The following CAMTA1 variants were observed in gnomAD, a reference collection of about 807,000 sequenced individuals.
CAMTA1 encodes calmodulin-binding transcription activator 1.
CAMTA1 carries 27 observed loss-of-function variants against 170.9 expected under a neutral mutation model. That is an observed-to-expected ratio of 0.16 (90% CI 0.12 to 0.22). The LOEUF (loss-of-function observed/expected upper bound fraction) is 0.22, where lower values mean the gene tolerates loss of function less well. CAMTA1 is among the 10% of genes least tolerant of loss of function. The probability of loss-of-function intolerance (pLI) is 1.00; values close to 1 mark genes in which losing one functional copy is unlikely to be tolerated. For synonymous variants in CAMTA1, 833 were observed against 891.5 expected, an observed-to-expected ratio of 0.93 and a Z score of 1.17; for missense variants, 1,619 against 2,217.2, an observed-to-expected ratio of 0.73 and a Z score of 5.42.
rs1478235304 is a variant in CAMTA1 at position 7,730,928 on chromosome 1, C to CTCTATA, written c.2915-1519_2915-1518insCTATAT. On this transcript the variant is annotated intron_variant, in intron 11 of 22. Coordinates refer to ENST00000303635, the MANE Select transcript of CAMTA1 (RefSeq NM_015215.4). Reference sequence around the variant, plus strand: ...TCTCAATCTCTCTCTCTCTCTCTCTCTATATATATATATATATATTTAACA... The same window carrying CTCTATA: ...TCTCAATCTCTCTCTCTCTCTCTCTCTCTATATATATATATATATATATATTTAACA... 7.0e-3 allele frequency among the ~76,000 whole-genome samples: 795 copies of CTCTATA among 114,198 alleles called. 5 individuals are homozygous for CTCTATA. Among genetic ancestry groups the CTCTATA allele is most frequent in the African/African-American group, 0.022 (710 of 31,718 alleles). The allele number at this position is 114,198 out of a possible 152,430, so 74.9% of individuals were successfully genotyped here.
chr1:7,745,682 A>G (rs535650351), intron 17 of CAMTA1, among the ~76,000 whole-genome samples, 163 bp from the exon 18 acceptor site: 4 of 152,338 alleles, frequency 2.6e-5, no homozygotes, highest in African/African-American at 9.6e-5. Flanking sequence ...ACTCAATCGA[A>G]GGACACTGGG....
chr1:7,416,446 A>G (rs2091179714), intron 5 of CAMTA1, among the ~76,000 whole-genome samples: 1 of 152,098 alleles, frequency 6.6e-6, no homozygotes, highest in East Asian at 1.9e-4. Context: ...TTTCTTGGAG[A>G]CTTTTTTCGT....
At chr1:7,593,294 G>T (rs566937627) in intron 6 of CAMTA1, among the ~76,000 whole-genome samples, 2 of 152,220 alleles carry the variant, frequency 1.3e-5, no homozygotes, top group African/African-American at 2.4e-5. Flanking sequence ...TCTGGGTCTT[G>T]GGCATTTGGA....
At chr1:7,075,099 A>C (rs1450281284) in intron 3 of CAMTA1, among the ~76,000 whole-genome samples, 1 of 152,172 alleles carries the variant, frequency 6.6e-6, no homozygotes, top group Non-Finnish European at 1.5e-5. Flanking sequence ...TGTGGTTCTT[A>C]TTCTGTATTT....
chr1:7,256,986 T>C (rs997562963), intron 5 of CAMTA1, among the ~76,000 whole-genome samples: 9 of 151,102 alleles, frequency 6.0e-5, no homozygotes, highest in Non-Finnish European at 5.9e-5. Flanking sequence ...GTTCCTTTTA[T>C]CAGGGCACAA....
chr1:7,602,743 A>T (rs2095456937), intron 6 of CAMTA1, among the ~76,000 whole-genome samples: 1 of 151,900 alleles, frequency 6.6e-6, no homozygotes, highest in Non-Finnish European at 1.5e-5. Flanking sequence ...TTTAATTGTG[A>T]TGTTAGGGTG....
chr1:7,401,694 C>G (rs2089917414), intron 5 of CAMTA1, among the ~76,000 whole-genome samples: 1 of 152,196 alleles, frequency 6.6e-6, no homozygotes, highest in Non-Finnish European at 1.5e-5. Context: ...GCATCCAGAT[C>G]TTAAACATAT....
At chr1:7,556,083 G>A (rs1296490377) in intron 6 of CAMTA1, among the ~76,000 whole-genome samples, 3 of 152,216 alleles carry the variant, frequency 2.0e-5, no homozygotes, top group African/African-American at 4.8e-5. Flanking sequence ...TGTGGGCAGA[G>A]CCTCTATTGT....
intron 11 of CAMTA1, among the ~76,000 whole-genome samples, chr1:7,715,013 C>T (rs181606180): frequency 6.6e-6 from 1 of 152,334 alleles, no homozygotes; most frequent in East Asian, 1.9e-4. Context: ...TCTGTGTTTT[C>T]TGTGAAACAG....
rs143784145 is a variant in CAMTA1, at chr1:7,106,232, G to C, written c.302+14861G>C. Reference sequence around the variant, plus strand: ...ACCTGCAAAGTAGGTAATGCCTGGGGATACACTGAGGGAGGGAGGAAGGGA... The same window carrying C: ...ACCTGCAAAGTAGGTAATGCCTGGGCATACACTGAGGGAGGGAGGAAGGGA... On this transcript the variant is annotated intron_variant, in intron 4 of 22. Transcript: ENST00000303635. Among the ~76,000 whole-genome samples the C allele has an allele frequency of 2.8e-3, 423 of 151,596 alleles. 1 individual carries two copies. Among genetic ancestry groups the C allele is most frequent in the African/African-American group, 9.4e-3 (387 of 41,094 alleles).
In CAMTA1 at chr1:6,859,664, C is replaced by T. The variant is rs367632197; in HGVS notation, c.234+34454C>T. ...ATTAGCTGGGCATGGTTGTGCGTTCCTGTGGTCCCAGCTGCTCGGGAAGCT... is the reference window on the plus strand; with the variant it reads ...ATTAGCTGGGCATGGTTGTGCGTTCTTGTGGTCCCAGCTGCTCGGGAAGCT... On this transcript the variant is annotated intron_variant, in intron 3 of 22. Transcript: ENST00000303635. Among the ~76,000 whole-genome samples the T allele has an allele frequency of 3.5e-4, 53 of 152,258 alleles. No homozygotes were observed. The East Asian group carries it at 8.3e-3, about 24-fold the overall frequency.
chr1:6,899,639 C>G (rs1053526785), intron 3 of CAMTA1, among the ~76,000 whole-genome samples: 1 of 151,606 alleles, frequency 6.6e-6, no homozygotes, highest in African/African-American at 2.4e-5. Flanking sequence ...AACCACTGGG[C>G]AAAAATAACA....
intron 7 of CAMTA1, among the ~76,000 whole-genome samples, chr1:7,647,566 G>T (rs190040355): frequency 2.4e-4 from 36 of 152,262 alleles, no homozygotes; most frequent in African/African-American, 8.7e-4. Context: ...GCTGTTTGGG[G>T]ACCTGCTCTG....
chr1:7,263,870 A>G (rs1188038321), intron 5 of CAMTA1, among the ~76,000 whole-genome samples: 2 of 152,244 alleles, frequency 1.3e-5, no homozygotes, highest in Non-Finnish European at 2.9e-5. Flanking sequence ...GTATATTTCA[A>G]GATCCTTGCT....
intron 3 of CAMTA1, among the ~76,000 whole-genome samples, chr1:7,016,014 C>T (rs1368786544): frequency 6.6e-6 from 1 of 152,210 alleles, no homozygotes; most frequent in Admixed American, 6.5e-5. Flanking sequence ...TCAGTCACCT[C>T]CCCCAGGCTC....
rs6667052 is a variant in CAMTA1, at chr1:7,565,408, G to A, written c.511-74992G>A. ...GAGCCTACTGGGACAGCTGACCCAG[G>A]CTTCTAGGCCCCAGGGACAACCCAG... On this transcript the variant is annotated intron_variant, in intron 6 of 22. Coordinates refer to ENST00000303635, the MANE Select transcript of CAMTA1 (RefSeq NM_015215.4). The surrounding 1 kb of genome is among the most constrained non-coding windows in gnomAD (Gnocchi z 4.5). Among the ~76,000 whole-genome samples the A allele has an allele frequency of 8.7e-3, 1,319 of 152,044 alleles. 14 individuals carry two copies. The highest frequency in any genetic ancestry group is 0.013 in the Non-Finnish European group (865 of 67,958).
At chr1:7,097,115 C>T (rs149383376) in intron 4 of CAMTA1, among the ~76,000 whole-genome samples, 1 of 152,184 alleles carries the variant, frequency 6.6e-6, no homozygotes, top group Admixed American at 6.5e-5. Flanking sequence ...CAACTCAGGG[C>T]GAGCCCTCTT....
chr1:7,358,186 C>T (rs1382827903), intron 5 of CAMTA1, among the ~76,000 whole-genome samples: 1 of 152,214 alleles, frequency 6.6e-6, no homozygotes, highest in African/African-American at 2.4e-5. Flanking sequence ...ACAAAAAGCC[C>T]CACGTCCTCC....
chr1:7,525,456 T>A (rs1434306941), intron 6 of CAMTA1, among the ~76,000 whole-genome samples: 1 of 152,068 alleles, frequency 6.6e-6, no homozygotes, highest in Non-Finnish European at 1.5e-5. Context: ...GTGTTTTTTT[T>A]AATCAAGGGA....
Sources: allele counts gnomAD v4.1 joint callset (sites outside exome capture counted in the v4.1 genomes callset), GRCh38; gene constraint gnomAD v4.1.1; non-coding constraint Gnocchi (gnomAD v3.1); transcripts MANE v1.5; gene names NCBI Gene and HGNC (gene_info 2026-07-23, HGNC 2026-07-21).